Variants in TBC1D20 observed in about 807,000 individuals in gnomAD.
The protein encoded by TBC1D20 is TBC1 domain family member 20.
A neutral mutation model predicts 41.6 loss-of-function variants in TBC1D20; 12 were observed. The ratio of observed to expected loss-of-function variants is 0.29; its 90% CI spans 0.18 to 0.47. The LOEUF (loss-of-function observed/expected upper bound fraction) is 0.47. Among genes scored for constraint, TBC1D20 ranks in the 20% least tolerant of loss-of-function variants. TBC1D20 has a pLI of 1.00. For missense variants in TBC1D20, 421 were observed against 517.4 expected, an observed-to-expected ratio of 0.81 and a Z score of 1.81; for synonymous variants, 205 against 204.8, an observed-to-expected ratio of 1.00 and a Z score of -0.01.
At chr20:451,727 C>A (rs2017445135) in intron 1 of TBC1D20, among the ~76,000 whole-genome samples, 2 of 152,080 alleles carry the variant, frequency 1.3e-5, no homozygotes, top group South Asian at 4.1e-4. Flanking sequence ...GTGGAAAAGT[C>A]CAATGCCTTG....
intron 1 of TBC1D20, among the ~76,000 whole-genome samples, chr20:449,590 C>T (rs746582787): frequency 3.3e-5 from 5 of 151,760 alleles, no homozygotes; most frequent in African/African-American, 7.3e-5. Flanking sequence ...AGTGAGACTC[C>T]GTCTCAAAAA....
intron 1 of TBC1D20, among the ~76,000 whole-genome samples, chr20:458,855 G>A (rs113353998): frequency 2.0e-5 from 3 of 152,048 alleles, no homozygotes; most frequent in East Asian, 1.9e-4. Context: ...TAACACTACC[G>A]GTGTTTCCCA....
intron 1 of TBC1D20, among the ~76,000 whole-genome samples, chr20:461,818 C>A (rs2017635683): frequency 6.6e-6 from 1 of 152,270 alleles, no homozygotes; most frequent in African/African-American, 2.4e-5. Context: ...GGCTGCACAA[C>A]TTTGTGAATT....
intron 2 of TBC1D20, among the ~76,000 whole-genome samples, chr20:447,076 G>A (rs898535703): frequency 4.1e-5 from 6 of 148,144 alleles, no homozygotes; most frequent in African/African-American, 7.5e-5. Context: ...AGCCTCCTGC[G>A]TAGCTGGGAT....
In TBC1D20 at chr20:441,886, C is replaced by T; in HGVS notation, c.495G>A (p.Leu165=). Residue 165 remains leucine (L), a synonymous_variant, in exon 4 of 8, where the codon CTG becomes CTA. Coordinates refer to ENST00000354200, the MANE Select transcript of TBC1D20 (RefSeq NM_144628.4). The part of the protein sequence containing the change: ...LVVGERLATS[L]VEKLSTHHLR... ...GGTGGTGGGTAGATAATTTTTCTAC[C>T]AGGGATGTTGCCAGCCTCTCGCCTA... 6.2e-7 allele frequency: 1 copy of T among 1,613,960 alleles called. No homozygotes were observed. The highest frequency in any genetic ancestry group is 8.5e-7 in the Non-Finnish European group (1 of 1,179,952).
rs1369488702 is a variant in TBC1D20 at position 438,225 on chromosome 20, TCTATGGGGTGA to T, written c.*350_*360del. ...GGGCATCCCATGTTCCAGTTCACCT[TCTATGGGGTGA>T]CTAGGAGGTTCCCGGTAACTAGGGC... On this transcript the variant is annotated 3_prime_UTR_variant, in exon 8 of 8. Transcript: ENST00000354200. 8.3e-6 allele frequency: 2 copies of T among 241,820 alleles called. No homozygotes were observed. The highest frequency in any genetic ancestry group is 1.6e-5 in the Non-Finnish European group (2 of 121,218). The allele number at this position is 241,820 out of a possible 1,614,324, so 15.0% of individuals were successfully genotyped here.
At chr20:447,672 T>A (rs1021717203) in intron 2 of TBC1D20, among the ~76,000 whole-genome samples, 2 of 151,874 alleles carry the variant, frequency 1.3e-5, no homozygotes, top group Admixed American at 1.3e-4. Flanking sequence ...ATAAATAAAA[T>A]AAAAACAAGT....
At chr20:449,382 G>A (rs2017402391) in intron 1 of TBC1D20, among the ~76,000 whole-genome samples, 4 of 150,058 alleles carry the variant, frequency 2.7e-5, no homozygotes, top group Admixed American at 2.0e-4. Context: ...AGATAATGAG[G>A]TCAGGAGTTC....
rs2122379709 is a variant in TBC1D20, at chr20:438,850, G to T, written c.957-9C>A. ...AAGTAGAGGCTGCCGTCCTGCAGGG[G>T]AAAGAGACGGAAGGAAGGAAGTGGT... On this transcript the variant is annotated splice_polypyrimidine_tract_variant and intron_variant, in intron 7 of 7. Coordinates refer to ENST00000354200, the MANE Select transcript of TBC1D20 (RefSeq NM_144628.4). 1 of 1,610,784 alleles carries T rather than the reference G, an allele frequency of 6.2e-7. No individual in the cohort carries two copies. The highest frequency in any genetic ancestry group is 8.5e-7 in the Non-Finnish European group (1 of 1,177,448).
At chr20:453,173 A>C (rs1441727433) in intron 1 of TBC1D20, among the ~76,000 whole-genome samples, 1 of 144,798 alleles carries the variant, frequency 6.9e-6, no homozygotes, top group Non-Finnish European at 1.5e-5. Context: ...AAAAAAAAAA[A>C]AAAAAAAAAA....
intron 3 of TBC1D20, 141 bp from the exon 4 acceptor site, chr20:442,184 G>A: frequency 1.4e-6 from 1 of 728,756 alleles, no homozygotes; most frequent in South Asian, 2.1e-5. Context: ...AAGATCCACT[G>A]TTGATACCAC....
chr20:440,133 T>C, intron 6 of TBC1D20, 115 bp downstream of exon 6: 4 of 1,362,878 alleles, frequency 2.9e-6, no homozygotes, highest in Non-Finnish European at 3.0e-6. Flanking sequence ...GACACCAGCC[T>C]GGGAAGTGCT....
intron 1 of TBC1D20, 90 bp from the exon 2 acceptor site, chr20:448,164 C>T (rs571319713): frequency 1.3e-5 from 11 of 863,204 alleles, no homozygotes; most frequent in African/African-American, 3.3e-5. Flanking sequence ...ATATGAGGTA[C>T]AGGTAAGTAT....
At position 441,704 on chromosome 20, in the gene TBC1D20, T is replaced by C. The variant is rs6084439; in HGVS notation, c.525-15A>G. 224 of 1,612,432 alleles carry C rather than the reference T, an allele frequency of 1.4e-4. No individual in the cohort carries two copies. The highest frequency in any genetic ancestry group is 1.8e-4 in the Non-Finnish European group (217 of 1,178,698). Reference sequence around the variant, plus strand: ...CCATAAAATCCCTGGAGGGAGACAATTCAATAAGCCTGGTTACCAAACACT... The same window carrying C: ...CCATAAAATCCCTGGAGGGAGACAACTCAATAAGCCTGGTTACCAAACACT... On this transcript the variant is annotated splice_polypyrimidine_tract_variant and intron_variant, in intron 4 of 7. Coordinates refer to ENST00000354200, the MANE Select transcript of TBC1D20 (RefSeq NM_144628.4).
intron 3 of TBC1D20, 42 bp downstream of exon 3, chr20:445,008 T>C (rs901325492): frequency 1.9e-6 from 3 of 1,551,450 alleles, no homozygotes; most frequent in Non-Finnish European, 2.6e-6. Flanking sequence ...CTGGAACAGA[T>C]ACAGTCTTTC....
Position 445,041 on chromosome 20 carries a change from GCTT to G in TBC1D20, c.337+6_337+8del. Reference sequence around the variant, plus strand: ...TTCCAAATGTGGCAGGACCGGGAGAGCTTCTCACCAGGAGGGAACCGCCGCAAT... The same window carrying G: ...TTCCAAATGTGGCAGGACCGGGAGAGCTCACCAGGAGGGAACCGCCGCAAT... On this transcript the variant is annotated splice_donor_region_variant and intron_variant, in intron 3 of 7. Transcript: ENST00000354200. 6.3e-7 allele frequency: 1 copy of G among 1,597,254 alleles called. No individual in the cohort carries two copies. Among genetic ancestry groups the G allele is most frequent in the Non-Finnish European group, 8.6e-7 (1 of 1,169,524 alleles).
At chr20:440,104 G>T in intron 6 of TBC1D20, 144 bp downstream of exon 6, 1 of 1,063,792 alleles carries the variant, frequency 9.4e-7, no homozygotes, top group Admixed American at 2.7e-5. Context: ...CATTAATACT[G>T]CACAGAATGG....
intron 1 of TBC1D20, 47 bp from the exon 2 acceptor site, chr20:448,121 A>G: frequency 1.4e-6 from 2 of 1,450,154 alleles, no homozygotes; most frequent in Non-Finnish European, 1.9e-6. Context: ...CAGCACGTGC[A>G]TATTTTCTGC....
At chr20:455,485 G>C (rs2017523933) in intron 1 of TBC1D20, among the ~76,000 whole-genome samples, 1 of 151,798 alleles carries the variant, frequency 6.6e-6, no homozygotes, top group African/African-American at 2.4e-5. Flanking sequence ...GGGTGTGGTG[G>C]TGCACGCTTG....
Sources: gnomAD v4.1 joint callset for allele counts (sites outside exome capture counted in the v4.1 genomes callset) on GRCh38, gnomAD v4.1.1 for gene constraint, MANE v1.5 for transcripts, NCBI Gene and HGNC (gene_info 2026-07-23, HGNC 2026-07-21) for gene names.